The following CSMD3 variants were observed in gnomAD, a reference collection of about 807,000 sequenced individuals.
The protein encoded by CSMD3 is CUB and sushi domain-containing protein 3.
In CSMD3, 177 loss-of-function variants were observed where a neutral mutation model predicts 435.2. The ratio of observed to expected loss-of-function variants is 0.41; its 90% CI spans 0.36 to 0.46. CSMD3 has a LOEUF of 0.46. Among genes scored for constraint, CSMD3 ranks in the 20% least tolerant of loss-of-function variants. The pLI is 0.34. For synonymous variants in CSMD3, 1,656 were observed against 1,520.5 expected (o/e 1.09, Z -2.07); for missense variants, 4,265 against 4,504.6 (o/e 0.95, Z 1.52).
intron 3 of CSMD3, among the ~76,000 whole-genome samples, chr8:113,174,861 A>G (rs1011524789): frequency 2.0e-5 from 3 of 151,894 alleles, no homozygotes; most frequent in African/African-American, 7.2e-5. Flanking sequence ...TCAGTAGTTA[A>G]TAGTATTGTG....
intron 32 of CSMD3, among the ~76,000 whole-genome samples, chr8:112,471,177 T>C (rs1465470427): frequency 2.0e-5 from 3 of 152,190 alleles, no homozygotes; most frequent in African/African-American, 7.2e-5. Flanking sequence ...TTCTCATTCA[T>C]TTGGCCACAT....
chr8:112,709,131 G>C (rs1056881728), intron 13 of CSMD3, among the ~76,000 whole-genome samples: 1 of 151,906 alleles, frequency 6.6e-6, no homozygotes, highest in Non-Finnish European at 1.5e-5. Context: ...ATATACACAT[G>C]CCAACAAACA....
At chr8:113,005,152 CA>C (rs1245247182) in intron 6 of CSMD3, among the ~76,000 whole-genome samples, 1 of 151,614 alleles carries the variant, frequency 6.6e-6, no homozygotes, top group Admixed American at 6.6e-5. Context: ...AAACCCAAAC[CA>C]AAAACTACTA....
chr8:112,421,818 A>C (rs1334835098), intron 32 of CSMD3, among the ~76,000 whole-genome samples: 3 of 151,746 alleles, frequency 2.0e-5, no homozygotes, highest in Non-Finnish European at 2.9e-5. Flanking sequence ...CATTTTTAAA[A>C]GGTATAATAT....
At chr8:113,179,409 AT>A (rs996159764) in intron 3 of CSMD3, among the ~76,000 whole-genome samples, 2 of 151,716 alleles carry the variant, frequency 1.3e-5, no homozygotes, top group Non-Finnish European at 3.0e-5. Flanking sequence ...AGTATGTTAG[AT>A]CATTCTTGGT....
chr8:112,587,266 T>C (rs997810833), intron 22 of CSMD3, 31 bp from the exon 23 acceptor site: 2 of 1,506,728 alleles, frequency 1.3e-6, no homozygotes, highest in Non-Finnish European at 1.8e-6. Flanking sequence ...TGAAGTACAG[T>C]TTAATAGATA....
chr8:113,165,045 G>A (rs2092123661), intron 4 of CSMD3, among the ~76,000 whole-genome samples: 1 of 152,108 alleles, frequency 6.6e-6, no homozygotes. Flanking sequence ...GTGGTTCACT[G>A]AGTTTATATC....
Position 112,295,895 on chromosome 8 carries a change from CCAA to C in CSMD3, c.8549_8551del (p.Ile2850_Gly2851delinsSer). The stretch of plus-strand genomic sequence containing the variant: ...CTGTTGACATATCCTCACTGAAGAA[CCAA>C]TCAATCGAAAACCAGGATTACATTG... On this transcript the variant is annotated inframe_deletion, in exon 54 of 71. Coordinates refer to ENST00000297405, the MANE Select transcript of CSMD3 (RefSeq NM_198123.2). 1 of 1,613,960 alleles carries C rather than the reference CCAA, an allele frequency of 6.2e-7. No homozygotes were observed. Among genetic ancestry groups the C allele is most frequent in the Non-Finnish European group, 8.5e-7 (1 of 1,179,952 alleles).
chr8:112,760,974 C>T (rs903154865), intron 13 of CSMD3, among the ~76,000 whole-genome samples: 2 of 152,070 alleles, frequency 1.3e-5, no homozygotes, highest in African/African-American at 4.8e-5. Context: ...CTTCAAGAAT[C>T]GTGCCCTCCG....
At chr8:113,025,682 G>A (rs2086850255) in intron 5 of CSMD3, among the ~76,000 whole-genome samples, 1 of 152,100 alleles carries the variant, frequency 6.6e-6, no homozygotes, top group Non-Finnish European at 1.5e-5. Flanking sequence ...GGGGAGTGGA[G>A]CCACCACTGG....
chr8:112,526,328 T>C (rs560854438), intron 27 of CSMD3, among the ~76,000 whole-genome samples: 8 of 152,184 alleles, frequency 5.3e-5, no homozygotes, highest in African/African-American at 1.9e-4. Flanking sequence ...GACAATGATC[T>C]GGAAAAAGAG....
At chr8:112,657,908 G>A (rs72678439) in intron 17 of CSMD3, among the ~76,000 whole-genome samples, 15,313 of 152,124 alleles carry the variant, frequency 0.1, 894 homozygotes, top group Middle Eastern at 0.29. Context: ...TTAGACAACT[G>A]TCTTCCTTAA....
At chr8:112,970,938 G>T (rs901788743) in intron 7 of CSMD3, among the ~76,000 whole-genome samples, 79 of 151,836 alleles carry the variant, frequency 5.2e-4, no homozygotes, top group African/African-American at 1.8e-3. Context: ...AGCCAGGATG[G>T]TCTCAATCTA....
At chr8:113,203,624 C>A (rs546985095) in intron 3 of CSMD3, among the ~76,000 whole-genome samples, 10 of 151,864 alleles carry the variant, frequency 6.6e-5, no homozygotes, top group East Asian at 1.9e-4. Flanking sequence ...ATATCATATA[C>A]CACTGAAGCG....
chr8:113,377,115 C>T (rs2094390321), intron 1 of CSMD3: 32 of 1,265,752 alleles, frequency 2.5e-5, no homozygotes, highest in Non-Finnish European at 3.0e-5. Flanking sequence ...GCTGCGGCGT[C>T]GTCCGGCTCT....
chr8:113,071,814 A>G (rs13275475), intron 5 of CSMD3, among the ~76,000 whole-genome samples: 1 of 151,916 alleles, frequency 6.6e-6, no homozygotes, highest in Admixed American at 6.6e-5. Flanking sequence ...AGGGATCCAT[A>G]TCAATTTTAT....
At chr8:113,298,994 T>C (rs946944316) in intron 2 of CSMD3, among the ~76,000 whole-genome samples, 21 of 152,198 alleles carry the variant, frequency 1.4e-4, no homozygotes, top group African/African-American at 4.8e-4. Flanking sequence ...ATTTTTATAC[T>C]GTAGTCTAAC....
intron 4 of CSMD3, among the ~76,000 whole-genome samples, chr8:113,127,676 A>T (rs1028784374): frequency 6.6e-6 from 1 of 152,006 alleles, no homozygotes; most frequent in South Asian, 2.1e-4. Flanking sequence ...CAAAAATTCT[A>T]ATCTCCTTTA....
intron 61 of CSMD3, among the ~76,000 whole-genome samples, chr8:112,258,789 C>T (rs1298451454): frequency 1.3e-5 from 2 of 152,174 alleles, no homozygotes; most frequent in African/African-American, 4.8e-5. Flanking sequence ...CCTGTAATCC[C>T]AGCACTTTGG....
Sources: allele counts gnomAD v4.1 joint callset (sites outside exome capture counted in the v4.1 genomes callset), GRCh38; gene constraint gnomAD v4.1.1; transcripts MANE v1.5; gene names NCBI Gene and HGNC (gene_info 2026-07-23, HGNC 2026-07-21).